TMC2: variants seen among roughly 807,000 people sequenced by gnomAD.
TMC2 encodes transmembrane channel like 2, also known as transmembrane channel-like protein 2.
TMC2 carries 102 observed loss-of-function variants against 105.9 expected under a neutral mutation model. That is an observed-to-expected ratio of 0.96 (90% CI 0.82 to 1.14). The LOEUF (loss-of-function observed/expected upper bound fraction) is 1.14, where lower values mean the gene tolerates loss of function less well. Among genes scored for constraint, TMC2 ranks in the 50% most tolerant of loss-of-function variants. The pLI is 0.00. For synonymous variants in TMC2, 402 were observed against 422.8 expected (o/e 0.95, Z 0.60); for missense variants, 1,093 against 1,134.3 (o/e 0.96, Z 0.52).
intron 4 of TMC2, among the ~76,000 whole-genome samples, chr20:2,565,765 T>C (rs1440018979): frequency 6.6e-6 from 1 of 151,882 alleles, no homozygotes; most frequent in East Asian, 1.9e-4. Flanking sequence ...TAGTGCTGGG[T>C]GTGGTGGCTC....
At chr20:2,608,300 T>TTTATTTATTATTA (rs369930519) in intron 11 of TMC2, among the ~76,000 whole-genome samples, 4 of 134,602 alleles carry the variant, frequency 3.0e-5, no homozygotes, top group African/African-American at 8.1e-5. Context: ...CTTATTTTTA[T>TTTATTTATTATTA]TTATTATTAT....
chr20:2,561,864 C>T lies in TMC2; in HGVS notation c.408C>T (p.Ser136=). Residue 136 remains serine, a synonymous_variant, in exon 4 of 20, where the codon TCC becomes TCT. Coordinates refer to ENST00000358864, the MANE Select transcript of TMC2 (RefSeq NM_080751.3). The stretch of plus-strand genomic sequence containing the variant: ...GCCCTGGCTCTGCCTCCAGGTCATC[C>T]TCCTTGGCCTCCAGTGCCTCTGGTG... ...KSKRQKKPRS[S]SLASSASGGE... The T allele has an allele frequency of 2.5e-6, 4 of 1,613,286 alleles. No individual in the cohort carries two copies. The highest frequency in any genetic ancestry group is 3.4e-6 in the Non-Finnish European group (4 of 1,179,652).
At chr20:2,585,335 T>G (rs936599630) in intron 7 of TMC2, among the ~76,000 whole-genome samples, 6 of 152,234 alleles carry the variant, frequency 3.9e-5, no homozygotes, top group African/African-American at 1.4e-4. Flanking sequence ...TTTTATATCT[T>G]TATTTTTATA....
At chr20:2,629,803 C>G (rs1261746555) in intron 17 of TMC2, among the ~76,000 whole-genome samples, 1 of 152,174 alleles carries the variant, frequency 6.6e-6, no homozygotes, top group African/African-American at 2.4e-5. Context: ...GGTCATCAAA[C>G]TGTAGTCCAC....
At chr20:2,601,339 C>T (rs1332401292) in intron 10 of TMC2, among the ~76,000 whole-genome samples, 1 of 152,208 alleles carries the variant, frequency 6.6e-6, no homozygotes, top group Non-Finnish European at 1.5e-5. Flanking sequence ...GACCATATGA[C>T]CAGCAAACCA....
rs535749803 is a variant in TMC2 at position 2,593,229 on chromosome 20, A to G, written c.933+821A>G. On this transcript the variant is annotated intron_variant, in intron 8 of 19. Coordinates refer to ENST00000358864, the MANE Select transcript of TMC2 (RefSeq NM_080751.3). ...CAGATCTCACCAGAACTCCCTCCCT[A>G]TCATGAGAACAGCATGGGGGAAACT... Among the ~76,000 whole-genome samples the G allele has an allele frequency of 2.0e-5, 3 of 152,222 alleles. No individual in the cohort carries two copies. The South Asian group carries it at 6.2e-4, about 32-fold the overall frequency.
intron 4 of TMC2, among the ~76,000 whole-genome samples, chr20:2,571,669 G>A (rs57571603): frequency 0.037 from 5,620 of 152,144 alleles, 356 homozygotes; most frequent in African/African-American, 0.13. Context: ...TTACACTGGG[G>A]CCATGCAGAT....
Position 2,642,179 on chromosome 20 carries a change from T to C in TMC2, c.*828T>C, listed in dbSNP as rs1374497225. 5.9e-5 allele frequency among the ~76,000 whole-genome samples: 9 copies of C among 152,196 alleles called. No individual in the cohort carries two copies. Among genetic ancestry groups the C allele is most frequent in the Non-Finnish European group, 8.8e-5 (6 of 68,046 alleles). ...GGAGGCCAGGGGTTTCAGATGAGCC[T>C]GAGCAACAGAGCAAGACCCTTGTCT... On this transcript the variant is annotated 3_prime_UTR_variant, in exon 20 of 20. Coordinates refer to ENST00000358864, the MANE Select transcript of TMC2 (RefSeq NM_080751.3).
At chr20:2,545,920 T>TGAAAGAAAGAAA (rs755029898) in intron 2 of TMC2, among the ~76,000 whole-genome samples, 1,378 of 130,860 alleles carry the variant, frequency 0.011, 23 homozygotes, top group African/African-American at 0.036. Flanking sequence ...AAGAAAGAAA[T>TGAAAGAAAGAAA]GAAAGAAAGA....
chr20:2,629,529 T>TAAAAAAAAAA lies in TMC2; in HGVS notation c.2306+5142_2306+5151dup, dbSNP rs56821075. 4.3e-5 allele frequency among the ~76,000 whole-genome samples: 5 copies of TAAAAAAAAAA among 116,068 alleles called. 1 individual carries two copies. Among genetic ancestry groups the TAAAAAAAAAA allele is most frequent in the Non-Finnish European group, 6.9e-5 (4 of 58,212 alleles). 76.1% of individuals were successfully genotyped at this position (116,068 alleles called of 152,430 possible). ...TCTAATTATTGATTTCTTACAGAAGTAAAAAAAAAAAAAAAAAAGTGACCT... is the reference window on the plus strand; with the variant it reads ...TCTAATTATTGATTTCTTACAGAAGTAAAAAAAAAAAAAAAAAAAAAAAAAAAAGTGACCT... On this transcript the variant is annotated intron_variant, in intron 17 of 19. Coordinates refer to ENST00000358864, the MANE Select transcript of TMC2 (RefSeq NM_080751.3).
intron 3 of TMC2, 33 bp from the exon 4 acceptor site, chr20:2,561,825 T>C (rs957632415): frequency 1.3e-6 from 2 of 1,598,632 alleles, no homozygotes; most frequent in Non-Finnish European, 8.5e-7. Flanking sequence ...CCTTTCCAAC[T>C]TCCCTCTGCC....
At chr20:2,574,938 C>A (rs1276300764) in intron 5 of TMC2, among the ~76,000 whole-genome samples, 1 of 152,014 alleles carries the variant, frequency 6.6e-6, no homozygotes, top group African/African-American at 2.4e-5. Context: ...GTTGGCCAGG[C>A]TGGTCTCGAA....
At position 2,558,835 on chromosome 20, in the gene TMC2, T is replaced by C; in HGVS notation, c.401+61T>C. 1.4e-6 allele frequency: 2 copies of C among 1,457,670 alleles called. No individual in the cohort carries two copies. The highest frequency in any genetic ancestry group is 1.8e-6 in the Non-Finnish European group (2 of 1,098,930). The allele number at this position is 1,457,670 out of a possible 1,614,324, so 90.3% of individuals were successfully genotyped here. On this transcript the variant is annotated intron_variant, in intron 3 of 19. Coordinates refer to ENST00000358864, the MANE Select transcript of TMC2 (RefSeq NM_080751.3). This position sits in a 1 kb window ranked among gnomAD's most constrained non-coding sequence, Gnocchi z 4.6. Reference sequence around the variant, plus strand: ...CGCGCTCCCGCTCCTTCGCGGCCCTTCCCCTTCCCCCGTGAGGGACTGATG... The same window carrying C: ...CGCGCTCCCGCTCCTTCGCGGCCCTCCCCCTTCCCCCGTGAGGGACTGATG...
At position 2,544,068 on chromosome 20, in the gene TMC2, ATTTTT is replaced by A. The variant is rs3051737; in HGVS notation, c.82+6767_82+6771del. 7.5e-3 allele frequency among the ~76,000 whole-genome samples: 999 copies of A among 132,462 alleles called. 19 individuals carry two copies. Among genetic ancestry groups the A allele is most frequent in the African/African-American group, 0.024 (821 of 34,396 alleles). The allele number at this position is 132,462 out of a possible 152,430, so 86.9% of individuals were successfully genotyped here. A position where few individuals can be genotyped will look rare whatever the true frequency, so the allele number is the denominator to read the frequency against. ...AGGCGCTCGCCACCATGCCTAGCTG[ATTTTT>A]TTTTTTTTTTTTTTGTATTTTTAGT... On this transcript the variant is annotated intron_variant, in intron 2 of 19. Coordinates refer to ENST00000358864, the MANE Select transcript of TMC2 (RefSeq NM_080751.3).
chr20:2,536,908 GT>G (rs1317916713), intron 1 of TMC2, among the ~76,000 whole-genome samples: 4 of 152,224 alleles, frequency 2.6e-5, no homozygotes, highest in African/African-American at 9.6e-5. Context: ...CAGCACCTGT[GT>G]TCAGGCCAGC....
chr20:2,637,508 A>G lies in TMC2; in HGVS notation c.2420A>G (p.Lys807Arg). The change falls in exon 19 of 20, where the codon AAA (lysine) becomes AGA (arginine). Residue 807 changes from lysine (K) to arginine (R), a missense_variant. By Grantham distance (26) the Lys-to-Arg change is conservative. Coordinates refer to ENST00000358864, the MANE Select transcript of TMC2 (RefSeq NM_080751.3). Reference protein sequence around the residue: ...REVEKSHKSVKGKATARDSED... With the variant: ...REVEKSHKSVRGKATARDSED... ...GTTGAGAAGAGTCACAAATCTGTAA[A>G]AGGCAAAGCCACAGCCAGAGATTCA... is the stretch of plus-strand genomic sequence containing the variant. 6.2e-7 allele frequency: 1 copy of G among 1,614,074 alleles called. No homozygotes were observed. Among genetic ancestry groups the G allele is most frequent in the Non-Finnish European group, 8.5e-7 (1 of 1,179,976 alleles).
At chr20:2,621,506 T>C (rs1443476584) in intron 16 of TMC2, among the ~76,000 whole-genome samples, 2 of 149,084 alleles carry the variant, frequency 1.3e-5, no homozygotes, top group East Asian at 2.0e-4. Flanking sequence ...CCATCTCTAC[T>C]AAAAATACAA....
At chr20:2,613,088 T>C in intron 13 of TMC2, 106 bp from the exon 14 acceptor site, 1 of 1,449,502 alleles carries the variant, frequency 6.9e-7, no homozygotes, top group South Asian at 1.4e-5. Context: ...AGAGACAAAG[T>C]CAGGTGGGTG....
At position 2,552,087 on chromosome 20, in the gene TMC2, CA is replaced by C. The variant is rs977839976; in HGVS notation, c.83-6357del. 9.2e-4 allele frequency among the ~76,000 whole-genome samples: 128 copies of C among 139,746 alleles called. 1 individual carries two copies. The highest frequency in any genetic ancestry group is 2.1e-3 in the South Asian group (9 of 4,366). 91.7% of individuals were successfully genotyped at this position (139,746 alleles called of 152,430 possible). A position where few individuals can be genotyped will look rare whatever the true frequency, so the allele number is the denominator to read the frequency against. ...CAACTCAGGCAATACAGAGACTCTA[CA>C]AAAAAAAAAAATTATAAAATTAGCT... On this transcript the variant is annotated intron_variant, in intron 2 of 19. Coordinates refer to ENST00000358864, the MANE Select transcript of TMC2 (RefSeq NM_080751.3).
Sources: gnomAD v4.1 joint callset for allele counts (sites outside exome capture counted in the v4.1 genomes callset) on GRCh38, gnomAD v4.1.1 for gene constraint, Gnocchi (gnomAD v3.1) non-coding constraint, MANE v1.5 for transcripts, NCBI Gene and HGNC (gene_info 2026-07-23, HGNC 2026-07-21) for gene names.